LDHC: variants seen among roughly 807,000 people sequenced by gnomAD.
LDHC encodes lactate dehydrogenase C.
Under a neutral mutation model 30.2 loss-of-function variants are expected in LDHC, and 20 were observed. The observed-to-expected ratio is 0.66, with a 90% CI of 0.47 to 0.96. LDHC has a LOEUF of 0.96. LDHC is among the 40% of genes least tolerant of loss of function. The probability of loss-of-function intolerance (pLI) is 0.00; values close to 1 mark genes in which losing one functional copy is unlikely to be tolerated. For missense variants in LDHC, 362 were observed against 394.9 expected (o/e 0.92, Z 0.71); for synonymous variants, 139 against 132.7 (o/e 1.05, Z -0.32).
intron 4 of LDHC, among the ~76,000 whole-genome samples, chr11:18,433,301 G>A (rs916804371): frequency 6.6e-6 from 1 of 151,876 alleles, no homozygotes; most frequent in African/African-American, 2.4e-5. Flanking sequence ...CATGAGAATT[G>A]CTTGAACCTG....
chr11:18,438,339 A>G (rs569476718), intron 5 of LDHC, among the ~76,000 whole-genome samples, 189 bp from the exon 6 acceptor site: 2 of 152,164 alleles, frequency 1.3e-5, no homozygotes, highest in Non-Finnish European at 2.9e-5. Flanking sequence ...GCTATTCATG[A>G]GGGATCTGCA....
intron 4 of LDHC, among the ~76,000 whole-genome samples, chr11:18,432,790 G>A (rs569412016): frequency 1.3e-5 from 2 of 152,262 alleles, no homozygotes; most frequent in East Asian, 3.9e-4. Flanking sequence ...ACCCCAGCTC[G>A]CTTTTGGTGT....
chr11:18,445,418 C>T (rs1233229888), intron 6 of LDHC, among the ~76,000 whole-genome samples: 2 of 152,014 alleles, frequency 1.3e-5, no homozygotes, highest in Non-Finnish European at 2.9e-5. Flanking sequence ...AGGCTGGTCT[C>T]GAACTTCTGA....
rs116610243 is a variant in LDHC, at chr11:18,449,569, A to C, written c.835-1394A>C. ...AGACAGTGGCTTTCCATAGCTAGGC[A>C]GATGCCAAAGTGGAAGGAATGTAAG... On this transcript the variant is annotated intron_variant, in intron 7 of 7. Coordinates refer to ENST00000541669, the MANE Select transcript of LDHC (RefSeq NM_017448.5). Among the ~76,000 whole-genome samples the C allele has an allele frequency of 3.3e-3, 501 of 152,132 alleles. 5 individuals are homozygous for C. Among genetic ancestry groups the C allele is most frequent in the African/African-American group, 0.012 (485 of 41,482 alleles).
At chr11:18,413,616 C>T (rs2134042832) in intron 2 of LDHC, among the ~76,000 whole-genome samples, 1 of 152,200 alleles carries the variant, frequency 6.6e-6, no homozygotes, top group Non-Finnish European at 1.5e-5. Context: ...GCATGTGCCA[C>T]CACGCCCAGC....
In LDHC at chr11:18,420,598, C is replaced by CACTTTGA. The variant is rs554632908; in HGVS notation, c.244+5298_244+5304dup. Reference sequence around the variant, plus strand: ...TGGTAGCAGGCTGAGGCAGAAGGATCACTTTGAGACCAGCCTGGGCAGCAT... The same window carrying CACTTTGA: ...TGGTAGCAGGCTGAGGCAGAAGGATCACTTTGAACTTTGAGACCAGCCTGGGCAGCAT... On this transcript the variant is annotated intron_variant, in intron 3 of 7. Coordinates refer to ENST00000541669, the MANE Select transcript of LDHC (RefSeq NM_017448.5). Among the ~76,000 whole-genome samples, 169 of 132,256 alleles carry CACTTTGA rather than the reference C, an allele frequency of 1.3e-3. 1 individual carries two copies. Among genetic ancestry groups the CACTTTGA allele is most frequent in the African/African-American group, 4.7e-3 (164 of 34,762 alleles). The allele number at this position is 132,256 out of a possible 152,430, so 86.8% of individuals were successfully genotyped here.
rs1294470375 is a variant in LDHC at position 18,451,742 on chromosome 11, G to C, written c.*615G>C. On this transcript the variant is annotated 3_prime_UTR_variant, in exon 8 of 8. Transcript: ENST00000541669. ...AGGCAAGAGGATCACATGAGTCCAGGAGTTTGAGACCAGCCTTGGCAACAT... is the reference window on the plus strand; with the variant it reads ...AGGCAAGAGGATCACATGAGTCCAGCAGTTTGAGACCAGCCTTGGCAACAT... 6.6e-6 allele frequency: 1 copy of C among 152,142 alleles called. No homozygotes were observed. Among genetic ancestry groups the C allele is most frequent in the South Asian group, 2.1e-4 (1 of 4,820 alleles). The allele number at this position is 152,142 out of a possible 1,614,324, so 9.4% of individuals were successfully genotyped here.
chr11:18,423,728 AAATAT>A, intron 3 of LDHC, among the ~76,000 whole-genome samples: 1 of 152,350 alleles, frequency 6.6e-6, no homozygotes, highest in South Asian at 2.1e-4. Context: ...GTGTTCACAA[AAATAT>A]AATATAAAAG....
chr11:18,415,032 G>T, intron 2 of LDHC, 152 bp from the exon 3 acceptor site: 1 of 461,232 alleles, frequency 2.2e-6, no homozygotes, highest in Non-Finnish European at 3.9e-6. Context: ...TTGACTTTCG[G>T]TCACCCAGGC....
intron 4 of LDHC, 89 bp downstream of exon 4, chr11:18,429,999 A>G: frequency 1.3e-6 from 1 of 786,092 alleles, no homozygotes. Flanking sequence ...GTTAACATTT[A>G]TATACAATAA....
intron 4 of LDHC, among the ~76,000 whole-genome samples, chr11:18,430,177 T>G (rs1848239980): frequency 6.6e-6 from 1 of 152,184 alleles, no homozygotes; most frequent in Non-Finnish European, 1.5e-5. Context: ...TTCTGGAATT[T>G]TATATGAATG....
chr11:18,417,376 G>C (rs1867042410), intron 3 of LDHC, among the ~76,000 whole-genome samples: 1 of 152,130 alleles, frequency 6.6e-6, no homozygotes, highest in Non-Finnish European at 1.5e-5. Flanking sequence ...AAGCAGTCTG[G>C]TTATAAAACC....
chr11:18,442,452 A>G (rs1364070324), intron 6 of LDHC, among the ~76,000 whole-genome samples: 3 of 152,134 alleles, frequency 2.0e-5, no homozygotes, highest in Non-Finnish European at 4.4e-5. Context: ...TTTCTTCAAT[A>G]TTTTATAAAT....
chr11:18,412,933 C>T (rs371548585), intron 2 of LDHC, 90 bp downstream of exon 2: 5 of 1,173,846 alleles, frequency 4.3e-6, no homozygotes, highest in Middle Eastern at 2.1e-4. Flanking sequence ...CAAGGTTAAT[C>T]CCTTGAAAGC....
chr11:18,414,917 T>C (rs1239503769), intron 2 of LDHC, among the ~76,000 whole-genome samples: 2 of 150,194 alleles, frequency 1.3e-5, no homozygotes, highest in African/African-American at 2.4e-5. Context: ...CAAACTGTTA[T>C]CTGAATGGCA....
chr11:18,448,970 C>G (rs1488279694), intron 7 of LDHC, among the ~76,000 whole-genome samples: 4 of 152,106 alleles, frequency 2.6e-5, no homozygotes, highest in Admixed American at 1.3e-4. Context: ...GCCCTTGTTC[C>G]CAGCCCACCC....
chr11:18,418,418 G>T lies in LDHC; in HGVS notation c.244+3117G>T, dbSNP rs543836702. Among the ~76,000 whole-genome samples, 5 of 150,014 alleles carry T rather than the reference G, an allele frequency of 3.3e-5. No individual in the cohort carries two copies. The South Asian group carries it at 1.1e-3, about 32-fold the overall frequency. On this transcript the variant is annotated intron_variant, in intron 3 of 7. Coordinates refer to ENST00000541669, the MANE Select transcript of LDHC (RefSeq NM_017448.5). Reference sequence around the variant, plus strand: ...GGTTAAATGGAGTCAAATTAAAAGAGTATTACTATTTTATTTTATTTTATT... The same window carrying T: ...GGTTAAATGGAGTCAAATTAAAAGATTATTACTATTTTATTTTATTTTATT...
intron 5 of LDHC, among the ~76,000 whole-genome samples, chr11:18,435,525 C>T (rs1342457801): frequency 6.6e-6 from 1 of 151,956 alleles, no homozygotes; most frequent in Non-Finnish European, 1.5e-5. Flanking sequence ...CAGCATTGTG[C>T]TTCCTGTACA....
intron 7 of LDHC, among the ~76,000 whole-genome samples, chr11:18,449,173 T>C (rs914114563): frequency 1.3e-5 from 2 of 151,908 alleles, no homozygotes; most frequent in African/African-American, 4.8e-5. Flanking sequence ...TGGAAGCTCA[T>C]GTTAAAGCTT....
Sources: gnomAD v4.1 joint callset for allele counts (sites outside exome capture counted in the v4.1 genomes callset) on GRCh38, gnomAD v4.1.1 for gene constraint, MANE v1.5 for transcripts, NCBI Gene and HGNC (gene_info 2026-07-23, HGNC 2026-07-21) for gene names.